SOCS4: variants seen among roughly 807,000 people sequenced by gnomAD.
SOCS4 encodes SH2 domain containing SOCS box protein.
SOCS4 carries 20 observed loss-of-function variants against 34.1 expected under a neutral mutation model. That is an observed-to-expected ratio of 0.59 (90% CI 0.41 to 0.85). SOCS4 has a LOEUF of 0.85. Among genes scored for constraint, SOCS4 ranks in the 40% least tolerant of loss-of-function variants. The pLI, the probability that SOCS4 is intolerant of heterozygous loss-of-function variation, is 0.00. For synonymous variants in SOCS4, 180 were observed against 186.4 expected (o/e 0.97, Z 0.28); for missense variants, 479 against 532.4 (o/e 0.90, Z 0.99).
In SOCS4 at chr14:55,042,932, CT is replaced by C. The variant is rs1044499542; in HGVS notation, c.-90-12del. The C allele has an allele frequency of 9.0e-5, 89 of 989,334 alleles. No individual in the cohort carries two copies. The highest frequency in any genetic ancestry group is 1.0e-4 in the Non-Finnish European group (71 of 683,714). The allele number at this position is 989,334 out of a possible 1,614,324, so 61.3% of individuals were successfully genotyped here. The stretch of plus-strand genomic sequence containing the variant: ...AAGGTAGATGACAAATGGTTAATGA[CT>C]TTTTTTTGTTTTCTTTAGATACATC... On this transcript the variant is annotated intron_variant, in intron 2 of 2. Coordinates refer to ENST00000555846, the MANE Select transcript of SOCS4 (RefSeq NM_199421.2).
chr14:55,038,460 T>C lies in SOCS4; in HGVS notation c.-90-4492T>C, dbSNP rs184148918. On this transcript the variant is annotated intron_variant, in intron 2 of 2. Coordinates refer to ENST00000555846, the MANE Select transcript of SOCS4 (RefSeq NM_199421.2). ...TATTGGAGGATTCCCAGCTATCAGC[T>C]TTGACAGATCTTTTCTCTTTGGCCA... Among the ~76,000 whole-genome samples the C allele has an allele frequency of 2.6e-5, 4 of 152,342 alleles. No individual in the cohort carries two copies. In the East Asian group the frequency reaches 7.7e-4, roughly 29 times the overall value.
intron 2 of SOCS4, among the ~76,000 whole-genome samples, chr14:55,041,624 G>T (rs576859812): frequency 2.0e-5 from 3 of 151,046 alleles, no homozygotes; most frequent in Admixed American, 6.6e-5. Flanking sequence ...ACAGGCACCC[G>T]TCACTGTGCC....
intron 2 of SOCS4, among the ~76,000 whole-genome samples, chr14:55,032,329 TAGTC>T (rs2042535772): frequency 6.6e-6 from 1 of 152,350 alleles, no homozygotes; most frequent in African/African-American, 2.4e-5. Flanking sequence ...TTCTCAGCCT[TAGTC>T]AGTATTACTA....
chr14:55,040,117 A>T (rs1343537308), intron 2 of SOCS4, among the ~76,000 whole-genome samples: 1 of 152,246 alleles, frequency 6.6e-6, no homozygotes, highest in Non-Finnish European at 1.5e-5. Flanking sequence ...TTTTTGTTCA[A>T]TGGAATTTAG....
intron 2 of SOCS4, 116 bp from the exon 3 acceptor site, chr14:55,042,836 C>A: frequency 2.0e-6 from 1 of 490,638 alleles, no homozygotes; most frequent in Non-Finnish European, 3.6e-6. Context: ...TCCCTTCCAA[C>A]ATCTCTTTTT....
chr14:55,040,968 T>G (rs2140247557), intron 2 of SOCS4, among the ~76,000 whole-genome samples: 1 of 151,144 alleles, frequency 6.6e-6, no homozygotes, highest in Admixed American at 6.6e-5. Flanking sequence ...CATGGCTCAC[T>G]GCAACCTCTG....
In SOCS4 at chr14:55,046,501, G is replaced by A. The variant is rs1236917157; in HGVS notation, c.*2137G>A. 1 of 166,892 alleles carries A rather than the reference G, an allele frequency of 6.0e-6. No homozygotes were observed. The highest frequency in any genetic ancestry group is 2.4e-5 in the African/African-American group (1 of 41,418). The allele number at this position is 166,892 out of a possible 1,614,324, so 10.3% of individuals were successfully genotyped here. A position where few individuals can be genotyped will look rare whatever the true frequency, so the allele number is the denominator to read the frequency against. On this transcript the variant is annotated 3_prime_UTR_variant, in exon 3 of 3. Coordinates refer to ENST00000555846, the MANE Select transcript of SOCS4 (RefSeq NM_199421.2). ...ATAAAGAAAAATGATATATAGTTATGTTGTCTTTTATAGTGTTAAAATTAG... is the reference window on the plus strand; with the variant it reads ...ATAAAGAAAAATGATATATAGTTATATTGTCTTTTATAGTGTTAAAATTAG...
At chr14:55,042,209 C>A (rs1414014902) in intron 2 of SOCS4, among the ~76,000 whole-genome samples, 2 of 152,180 alleles carry the variant, frequency 1.3e-5, no homozygotes, top group African/African-American at 2.4e-5. Flanking sequence ...TTACCAACTT[C>A]AGAGGAAAGG....
chr14:55,038,479 T>G (rs368452836), intron 2 of SOCS4, among the ~76,000 whole-genome samples: 1 of 152,200 alleles, frequency 6.6e-6, no homozygotes, highest in South Asian at 2.1e-4. Flanking sequence ...TCTTTTCTCT[T>G]TGGCCATTCT....
chr14:55,034,398 A>G (rs556351635), intron 2 of SOCS4, among the ~76,000 whole-genome samples: 6 of 152,340 alleles, frequency 3.9e-5, no homozygotes, highest in African/African-American at 1.2e-4. Flanking sequence ...ATTCTGGATC[A>G]TATATTGATG....
At chr14:55,028,690 T>C (rs1452354059) in intron 1 of SOCS4, among the ~76,000 whole-genome samples, 3 of 152,242 alleles carry the variant, frequency 2.0e-5, no homozygotes, top group Non-Finnish European at 4.4e-5. Context: ...TCCACACATC[T>C]GTCATTTTCT....
rs1408607559 is a variant in SOCS4, at chr14:55,043,536, C to T, written c.495C>T (p.Asp165=). 1.2e-6 allele frequency: 2 copies of T among 1,614,026 alleles called. No homozygotes were observed. Among genetic ancestry groups the T allele is most frequent in the Non-Finnish European group, 1.7e-6 (2 of 1,180,036 alleles). The change falls in exon 3 of 3, where the codon GAC becomes GAT. Residue 165 remains aspartate, a synonymous_variant. Transcript: ENST00000555846. ...AATCAGATGAATGGGTAAGCACAGA[C>T]TTGTCTCAGACTGAATTGAGGGATG... The part of the protein sequence containing the change: ...NSKSDEWVST[D]LSQTELRDGQ...
chr14:55,039,620 G>A (rs920550737), intron 2 of SOCS4, among the ~76,000 whole-genome samples: 1 of 152,238 alleles, frequency 6.6e-6, no homozygotes, highest in African/African-American at 2.4e-5. Context: ...GAGGCCAGGC[G>A]CGATGGCGCA....
chr14:55,033,898 C>T (rs1414301012), intron 2 of SOCS4, among the ~76,000 whole-genome samples: 1 of 152,156 alleles, frequency 6.6e-6, no homozygotes, highest in Admixed American at 6.5e-5. Context: ...TTTGGGTGGC[C>T]GAGGTGGGTG....
At chr14:55,034,873 T>C (rs1335290227) in intron 2 of SOCS4, among the ~76,000 whole-genome samples, 1 of 151,512 alleles carries the variant, frequency 6.6e-6, no homozygotes, top group African/African-American at 2.4e-5. Context: ...TTTTTTTTTT[T>C]TCCTTGACAT....
rs556359274 is a variant in SOCS4 at position 55,041,425 on chromosome 14, A to G, written c.-90-1527A>G. 3.4e-3 allele frequency among the ~76,000 whole-genome samples: 192 copies of G among 55,880 alleles called. 1 individual carries two copies. The highest frequency in any genetic ancestry group is 0.015 in the African/African-American group (172 of 11,588). The allele number at this position is 55,880 out of a possible 152,430, so 36.7% of individuals were successfully genotyped here. The stretch of plus-strand genomic sequence containing the variant: ...TTTTTTGTTGCAAAATTTATTTTTC[A>G]TTTGTAAAATATTTGAGATTATAGG... On this transcript the variant is annotated intron_variant, in intron 2 of 2. Transcript: ENST00000555846.
intron 2 of SOCS4, among the ~76,000 whole-genome samples, chr14:55,033,586 A>G (rs961722164): frequency 6.6e-6 from 1 of 152,242 alleles, no homozygotes; most frequent in African/African-American, 2.4e-5. Context: ...TAAAAAATAT[A>G]TCTATCTGCT....
chr14:55,043,369 AGTC>A lies in SOCS4; in HGVS notation c.330_332del (p.Ser110del). 6.2e-7 allele frequency: 1 copy of A among 1,614,250 alleles called. No individual in the cohort carries two copies. The highest frequency in any genetic ancestry group is 8.5e-7 in the Non-Finnish European group (1 of 1,180,042). On this transcript the variant is annotated inframe_deletion, in exon 3 of 3. Coordinates refer to ENST00000555846, the MANE Select transcript of SOCS4 (RefSeq NM_199421.2). ...GTGTTTTCCAATAAAGAATTGTAGT[AGTC>A]GGCACTCTTCAGGGCTTCCGTCTAA...
At position 55,043,276 on chromosome 14, in the gene SOCS4, G is replaced by T. The variant is rs1241565691; in HGVS notation, c.235G>T (p.Asp79Tyr). 2 of 1,614,236 alleles carry T rather than the reference G, an allele frequency of 1.2e-6. No homozygotes were observed. Among genetic ancestry groups the T allele is most frequent in the South Asian group, 2.2e-5 (2 of 91,086 alleles). ...CTGTTCATCCATTGAGTTGGACTTAGATCATTCCTGTGGGCATCGATTTTT... is the reference window on the plus strand; with the variant it reads ...CTGTTCATCCATTGAGTTGGACTTATATCATTCCTGTGGGCATCGATTTTT... Reference protein sequence around the residue: ...HSCSSIELDLDHSCGHRFLGR... With the variant: ...HSCSSIELDLYHSCGHRFLGR... Residue 79 changes from aspartate to tyrosine, a missense_variant, in exon 3 of 3, where the codon GAT becomes TAT. By Grantham distance (160) the Asp-to-Tyr change is radical (BLOSUM62 -3). Coordinates refer to ENST00000555846, the MANE Select transcript of SOCS4 (RefSeq NM_199421.2).
Sources: allele counts gnomAD v4.1 joint callset (sites outside exome capture counted in the v4.1 genomes callset), GRCh38; gene constraint gnomAD v4.1.1; transcripts MANE v1.5; gene names NCBI Gene and HGNC (gene_info 2026-07-23, HGNC 2026-07-21).